Variants in RANBP2 observed in about 807,000 individuals in gnomAD.
RANBP2 encodes E3 SUMO-protein ligase RanBP2.
Under a neutral mutation model 303.6 loss-of-function variants are expected in RANBP2, and 57 were observed. That is an observed-to-expected ratio of 0.19 (90% CI 0.15 to 0.23). The LOEUF (loss-of-function observed/expected upper bound fraction) is 0.23. Among genes scored for constraint, RANBP2 ranks in the 10% least tolerant of loss-of-function variants. The pLI, the probability that RANBP2 is intolerant of heterozygous loss-of-function variation, is 1.00. For synonymous variants in RANBP2, 1,167 were observed against 1,301.5 expected (o/e 0.90, Z 2.23); for missense variants, 3,138 against 3,780.8 (o/e 0.83, Z 4.46).
At chr2:109,144,122 G>T in the RANBP2 span, among the ~76,000 whole-genome samples, 1 of 152,204 alleles carries the variant, frequency 6.6e-6, no homozygotes, top group Non-Finnish European at 1.5e-5. Context: ...GAGTTCTACT[G>T]TGCAGCATGG....
At chr2:109,545,218 T>C in the RANBP2 span, 1 of 985,276 alleles carries the variant, frequency 1.0e-6, no homozygotes, top group African/African-American at 1.7e-5. Flanking sequence ...ATGAGCATTC[T>C]GAATAGAACA....
chr2:109,343,203 A>T, the RANBP2 span, among the ~76,000 whole-genome samples: 1 of 152,146 alleles, frequency 6.6e-6, no homozygotes, highest in African/African-American at 2.4e-5. Flanking sequence ...TGCCTGCCTT[A>T]GGCCCCTTCC....
chr2:109,140,836 TAGACTATC>T, the RANBP2 span, among the ~76,000 whole-genome samples: 1 of 152,212 alleles, frequency 6.6e-6, no homozygotes. Flanking sequence ...TGCCCCATCT[TAGACTATC>T]AACACCTACA....
Position 108,777,236 on chromosome 2 carries a change from G to A in RANBP2, c.8599+5G>A, listed in dbSNP as rs1204928427. 6 of 1,610,374 alleles carry A rather than the reference G, an allele frequency of 3.7e-6. No homozygotes were observed. In the East Asian group the frequency reaches 1.3e-4, roughly 36 times the overall value. On this transcript the variant is annotated splice_donor_5th_base_variant and intron_variant, in intron 25 of 28. Coordinates refer to ENST00000283195, the MANE Select transcript of RANBP2 (RefSeq NM_006267.5). Reference sequence around the variant, plus strand: ...ATTTTGCTTTTGGTTCTAAAGGTAAGATCAAGAGGAGAGACTTTTAATGAC... The same window carrying A: ...ATTTTGCTTTTGGTTCTAAAGGTAAAATCAAGAGGAGAGACTTTTAATGAC...
chr2:109,678,336 TG>T, the RANBP2 span, among the ~76,000 whole-genome samples: 1 of 152,238 alleles, frequency 6.6e-6, no homozygotes, highest in East Asian at 1.9e-4. Flanking sequence ...TTAGGAGGAT[TG>T]CCAAGAGTTC....
At chr2:109,474,276 A>G in the RANBP2 span, among the ~76,000 whole-genome samples, 1 of 152,128 alleles carries the variant, frequency 6.6e-6, no homozygotes, top group African/African-American at 2.4e-5. Context: ...TGGGAGAAAG[A>G]GCTGAAGTTT....
chr2:109,121,000 A>G, the RANBP2 span, among the ~76,000 whole-genome samples: 9 of 152,166 alleles, frequency 5.9e-5, no homozygotes, highest in Admixed American at 5.2e-4. Flanking sequence ...TAATCCTAGC[A>G]CTTTGGGAGG....
chr2:108,853,479 A>C, the RANBP2 span, among the ~76,000 whole-genome samples: 1 of 151,920 alleles, frequency 6.6e-6, no homozygotes, highest in African/African-American at 2.4e-5. Flanking sequence ...TGTTAAAAGA[A>C]GTTGTAGGAA....
chr2:109,335,644 T>C, the RANBP2 span, among the ~76,000 whole-genome samples: 1 of 152,214 alleles, frequency 6.6e-6, no homozygotes, highest in Admixed American at 6.5e-5. Context: ...TTGTATGTTT[T>C]GTTGCTGTCC....
the RANBP2 span, among the ~76,000 whole-genome samples, chr2:109,761,408 C>T: frequency 1.7e-4 from 26 of 150,546 alleles, no homozygotes; most frequent in Admixed American, 1.6e-3. Context: ...CCTTTCTTCA[C>T]ACCTCGTCAC....
At chr2:108,906,539 C>T in the RANBP2 span, among the ~76,000 whole-genome samples, 4 of 152,226 alleles carry the variant, frequency 2.6e-5, no homozygotes, top group Non-Finnish European at 5.9e-5. Context: ...GGGCCTTCTT[C>T]AGGTTTTCCT....
intron 1 of RANBP2, 95 bp downstream of exon 1, chr2:108,719,773 T>TG (rs951381492): frequency 9.2e-6 from 14 of 1,528,460 alleles, no homozygotes; most frequent in African/African-American, 4.2e-5. Context: ...CGCTGCTCCC[T>TG]GGCGCGCTCT....
At chr2:108,794,453 A>T in the RANBP2 span, 1 of 1,176,202 alleles carries the variant, frequency 8.5e-7, no homozygotes, top group Non-Finnish European at 1.2e-6. Flanking sequence ...TTTTGTACTT[A>T]AAGCATCTCT....
chr2:108,863,819 G>T, the RANBP2 span, among the ~76,000 whole-genome samples: 1 of 152,152 alleles, frequency 6.6e-6, no homozygotes, highest in Non-Finnish European at 1.5e-5. Context: ...GTGGCACAGG[G>T]ACCTAATGAA....
the RANBP2 span, among the ~76,000 whole-genome samples, chr2:109,550,233 T>C: frequency 6.6e-6 from 1 of 151,476 alleles, no homozygotes; most frequent in Admixed American, 6.6e-5. Flanking sequence ...AAGGTTGCGG[T>C]AAGCTGAGAT....
chr2:109,132,110 G>T, the RANBP2 span, among the ~76,000 whole-genome samples: 69 of 152,324 alleles, frequency 4.5e-4, no homozygotes, highest in African/African-American at 1.6e-3. Flanking sequence ...AAAGTTGAAT[G>T]CTGGATGTTG....
At chr2:109,335,284 T>C in the RANBP2 span, among the ~76,000 whole-genome samples, 1 of 152,228 alleles carries the variant, frequency 6.6e-6, no homozygotes, top group Non-Finnish European at 1.5e-5. Flanking sequence ...CTTTCTAGCA[T>C]GTTTTCTCAG....
chr2:109,729,732 T>C, the RANBP2 span, among the ~76,000 whole-genome samples: 1 of 152,152 alleles, frequency 6.6e-6, no homozygotes, highest in East Asian at 1.9e-4. Flanking sequence ...CTCCCAGGTG[T>C]CCTGGCTGAA....
Position 108,765,110 on chromosome 2 carries a change from G to A in RANBP2, c.4571G>A (p.Gly1524Asp), listed in dbSNP as rs2149276191. The change falls in exon 20 of 29, where the codon GGT (glycine) becomes GAT (aspartate). Residue 1524 changes from glycine (G) to aspartate (D), a missense_variant. Around this residue, in one of 20 missense-constraint regions of RANBP2, gnomAD observed 388 missense variants for 328.5 expected, o/e 1.18. Transcript: ENST00000283195. ...SIPTPASFKF[G>D]TSETSKTLKS... ...CCAACACCTGCCTCTTTTAAGTTTG[G>A]TACTTCAGAGACAAGTAAAACTCTA... The A allele has an allele frequency of 2.5e-6, 4 of 1,613,998 alleles. No homozygotes were observed. The highest frequency in any genetic ancestry group is 2.2e-5 in the East Asian group (1 of 44,878).
Sources: allele counts gnomAD v4.1 joint callset (sites outside exome capture counted in the v4.1 genomes callset), GRCh38; gene constraint gnomAD v4.1.1; regional missense constraint gnomAD v4.1.1; transcripts MANE v1.5; gene names NCBI Gene and HGNC (gene_info 2026-07-23, HGNC 2026-07-21).